KIF5C: variants seen among roughly 807,000 people sequenced by gnomAD.
The protein encoded by KIF5C is kinesin heavy chain isoform 5C.
In KIF5C, 18 loss-of-function variants were observed where a neutral mutation model predicts 125.2. That is an observed-to-expected ratio of 0.14 (90% CI 0.10 to 0.21). The LOEUF (loss-of-function observed/expected upper bound fraction) is 0.21. Among genes scored for constraint, KIF5C ranks in the 10% least tolerant of loss-of-function variants. The pLI is 1.00. For synonymous variants in KIF5C, 405 were observed against 434.0 expected (o/e 0.93, Z 0.83); for missense variants, 780 against 1,183.8 (o/e 0.66, Z 5.01).
chr2:149,008,223 A>G (rs1682071617), intron 23 of KIF5C, among the ~76,000 whole-genome samples, 156 bp downstream of exon 23: 1 of 152,184 alleles, frequency 6.6e-6, no homozygotes, highest in African/African-American at 2.4e-5. Flanking sequence ...GTCCTTACAA[A>G]TCCTTTAGTT....
intron 3 of KIF5C, among the ~76,000 whole-genome samples, chr2:148,930,344 T>C (rs1413628819): frequency 6.6e-6 from 1 of 152,012 alleles, no homozygotes; most frequent in African/African-American, 2.4e-5. Context: ...TTTTTTTCTT[T>C]AAATCACCAA....
intron 1 of KIF5C, among the ~76,000 whole-genome samples, chr2:148,905,577 G>A (rs1681072372): frequency 6.6e-6 from 1 of 152,158 alleles, no homozygotes; most frequent in African/African-American, 2.4e-5. Context: ...CTTAGTGTGT[G>A]GTGATAGCAC....
intron 12 of KIF5C, among the ~76,000 whole-genome samples, chr2:148,976,088 C>A (rs948220748): frequency 6.6e-6 from 1 of 152,086 alleles, no homozygotes; most frequent in East Asian, 1.9e-4. Context: ...TCTTGGAGAT[C>A]CTGACACGAA....
intron 1 of KIF5C, among the ~76,000 whole-genome samples, chr2:148,901,271 G>GTATA (rs1384683645): frequency 6.6e-6 from 1 of 152,194 alleles, no homozygotes; most frequent in Non-Finnish European, 1.5e-5. Context: ...GTGGAGGCAG[G>GTATA]TATATATAAC....
At position 148,973,405 on chromosome 2, in the gene KIF5C, C is replaced by G; in HGVS notation, c.1187C>G (p.Thr396Ser). ...DQKNLEPCDN[T>S]PIIDNIAPVV... ...AAGAACCTGGAGCCTTGTGATAACA[C>G]CCCCATCATAGACAATATTGCTCCT... is the stretch of plus-strand genomic sequence containing the variant. Residue 396 changes from threonine (T) to serine (S), a missense_variant, in exon 12 of 26, where the codon ACC becomes AGC. This residue lies in a region of KIF5C where 573 missense variants were observed against 742.6 expected (regional missense o/e 0.77). Coordinates refer to ENST00000435030, the MANE Select transcript of KIF5C (RefSeq NM_004522.3). 2 of 1,613,756 alleles carry G rather than the reference C, an allele frequency of 1.2e-6. No homozygotes were observed. Among genetic ancestry groups the G allele is most frequent in the Non-Finnish European group, 8.5e-7 (1 of 1,179,712 alleles).
chr2:149,001,231 A>G (rs999167821), intron 21 of KIF5C, among the ~76,000 whole-genome samples: 4 of 152,220 alleles, frequency 2.6e-5, no homozygotes, highest in Non-Finnish European at 4.4e-5. Context: ...GCACTCTATC[A>G]GATTGCTATA....
At chr2:148,986,911 C>A (rs1487945103) in intron 15 of KIF5C, among the ~76,000 whole-genome samples, 1 of 152,160 alleles carries the variant, frequency 6.6e-6, no homozygotes, top group Non-Finnish European at 1.5e-5. Context: ...ACAAGATGAG[C>A]CCAATGTTAA....
chr2:148,934,616 TATACA>T (rs1682253316), intron 3 of KIF5C, among the ~76,000 whole-genome samples: 1 of 148,892 alleles, frequency 6.7e-6, no homozygotes, highest in South Asian at 2.1e-4. Flanking sequence ...ATATCACACA[TATACA>T]ATACACACAC....
rs543113184 is a variant in KIF5C, at chr2:148,875,962, C to G, written c.126+219C>G. 1.2e-5 allele frequency among the ~76,000 whole-genome samples: 1 copy of G among 84,168 alleles called. No individual in the cohort carries two copies. The highest frequency in any genetic ancestry group is 4.3e-5 in the African/African-American group (1 of 23,308). The allele number at this position is 84,168 out of a possible 152,430, so 55.2% of individuals were successfully genotyped here. ...GGAGCGGCGGGCCGGGCGGGGGTGG[C>G]GGGGGTGGGGATGGGGGGCGAAGAC... On this transcript the variant is annotated intron_variant, in intron 1 of 25. Transcript: ENST00000435030.
intron 7 of KIF5C, among the ~76,000 whole-genome samples, chr2:148,945,016 G>A (rs1227048301): frequency 1.3e-5 from 2 of 152,054 alleles, no homozygotes; most frequent in South Asian, 2.1e-4. Context: ...TTGTTGACTT[G>A]GAGTTCTCTA....
intron 13 of KIF5C, 46 bp from the exon 14 acceptor site, chr2:148,981,309 A>G (rs1427167362): frequency 1.9e-6 from 3 of 1,545,238 alleles, no homozygotes; most frequent in African/African-American, 2.8e-5. Context: ...GAACATAAAC[A>G]TTTGAACATT....
chr2:149,014,965 A>G (rs983092999), intron 25 of KIF5C, among the ~76,000 whole-genome samples: 4 of 152,146 alleles, frequency 2.6e-5, no homozygotes, highest in Admixed American at 2.6e-4. Context: ...AGGTGGGCAG[A>G]TCACTTTAGG....
At position 148,875,746 on chromosome 2, in the gene KIF5C, A is replaced by G; in HGVS notation, c.126+3A>G. ...GCGATGAGACCGTGGTGATCGGGGT[A>G]AGTGGCTGGGGCGTCTGCCTTCCCT... On this transcript the variant is annotated splice_donor_region_variant and intron_variant, in intron 1 of 25. Transcript: ENST00000435030. The G allele has an allele frequency of 6.2e-7, 1 of 1,603,370 alleles. No individual in the cohort carries two copies. Among genetic ancestry groups the G allele is most frequent in the Middle Eastern group, 1.7e-4 (1 of 5,762 alleles).
chr2:148,945,625 T>A (rs1040895853), intron 7 of KIF5C, among the ~76,000 whole-genome samples: 1 of 152,212 alleles, frequency 6.6e-6, no homozygotes, highest in Non-Finnish European at 1.5e-5. Flanking sequence ...TCTTTAGTGC[T>A]AATTTGTGAG....
chr2:148,913,389 A>G (rs1352041468), intron 1 of KIF5C, among the ~76,000 whole-genome samples: 1 of 152,228 alleles, frequency 6.6e-6, no homozygotes, highest in African/African-American at 2.4e-5. Context: ...TGAGGAACAA[A>G]TGGAACTGAG....
In KIF5C at chr2:149,005,450, AC is replaced by A. The variant is rs758490489; in HGVS notation, c.2434del (p.Arg812GlufsTer72). 6.2e-7 allele frequency: 1 copy of A among 1,613,756 alleles called. No homozygotes were observed. The highest frequency in any genetic ancestry group is 1.7e-5 in the Admixed American group (1 of 59,990). The part of the protein sequence containing the change: ...LRKLFVQDLT[T>X]RVKKSVELDN... ...GAAACTCTTTGTCCAGGATCTGACC[AC>A]CCGAGTTAAAAAAGTGAGTTCTCTT... On this transcript the variant is annotated frameshift_variant, in exon 22 of 26. Transcript: ENST00000435030. LOFTEE classifies it high-confidence loss of function.
intron 18 of KIF5C, chr2:148,998,075 G>C: frequency 2.9e-6 from 1 of 348,878 alleles, no homozygotes; most frequent in Non-Finnish European, 5.5e-6. Context: ...TGGAGGTTAC[G>C]TGGATAGGGA....
intron 15 of KIF5C, among the ~76,000 whole-genome samples, chr2:148,985,485 C>G (rs1681356274): frequency 6.6e-6 from 1 of 152,140 alleles, no homozygotes. Context: ...TTTCATGGAT[C>G]AAATCTTCCT....
At chr2:148,881,173 G>C (rs907976888) in intron 1 of KIF5C, among the ~76,000 whole-genome samples, 1 of 151,876 alleles carries the variant, frequency 6.6e-6, no homozygotes, top group Non-Finnish European at 1.5e-5. Context: ...ATTAGCTTTG[G>C]CCCCACAAAT....
Sources: allele counts gnomAD v4.1 joint callset (sites outside exome capture counted in the v4.1 genomes callset), GRCh38; gene constraint gnomAD v4.1.1; regional missense constraint gnomAD v4.1.1; transcripts MANE v1.5; gene names NCBI Gene and HGNC (gene_info 2026-07-23, HGNC 2026-07-21).